Variants in UGT2B15 observed in about 807,000 individuals in gnomAD.
UGT2B15 encodes UDP-glucuronosyltransferase 2B15.
A neutral mutation model predicts 45.9 loss-of-function variants in UGT2B15; 36 were observed. The observed-to-expected ratio is 0.78, with a 90% CI of 0.60 to 1.04. The LOEUF is 1.04. Among genes scored for constraint, UGT2B15 ranks in the 50% least tolerant of loss-of-function variants. The pLI, the probability that UGT2B15 is intolerant of heterozygous loss-of-function variation, is 0.00. For missense variants in UGT2B15, 617 were observed against 622.4 expected (o/e 0.99, Z 0.09); for synonymous variants, 219 against 216.4 (o/e 1.01, Z -0.11).
At chr4:68,667,981 A>G in intron 2 of UGT2B15, 59 bp downstream of exon 2, 1 of 1,592,272 alleles carries the variant, frequency 6.3e-7, no homozygotes, top group South Asian at 1.1e-5. Flanking sequence ...TGAAAGAAAC[A>G]TATCCAGCCA....
chr4:68,668,721 C>G (rs1733213825), intron 1 of UGT2B15, among the ~76,000 whole-genome samples: 1 of 146,034 alleles, frequency 6.8e-6, no homozygotes. Flanking sequence ...GTGAGAAGAT[C>G]CAAGCTTGCT....
chr4:68,661,953 G>A lies in UGT2B15; in HGVS notation c.1005+1055C>T, dbSNP rs369711558. Among the ~76,000 whole-genome samples, 26 of 152,154 alleles carry A rather than the reference G, an allele frequency of 1.7e-4. 1 individual carries two copies. Among genetic ancestry groups the A allele is most frequent in the Admixed American group, 2.6e-4 (4 of 15,282 alleles). On this transcript the variant is annotated intron_variant, in intron 3 of 5. Coordinates refer to ENST00000338206, the MANE Select transcript of UGT2B15 (RefSeq NM_001076.4). ...CAGCCTTGATATATGGTCAGCTATA[G>A]CCAGTCATTACCATGTCTAGTACCA...
At chr4:68,667,877 C>T (rs1399522500) in intron 2 of UGT2B15, among the ~76,000 whole-genome samples, 163 bp downstream of exon 2, 1 of 152,156 alleles carries the variant, frequency 6.6e-6, no homozygotes, top group Non-Finnish European at 1.5e-5. Flanking sequence ...TAATAACATT[C>T]ACATACTTGT....
rs1274650225 is a variant in UGT2B15 at position 68,670,052 on chromosome 4, C to T, written c.567G>A (p.Leu189=). Residue 189 remains leucine, a synonymous_variant, in exon 1 of 6, where the codon CTG becomes CTA. Transcript: ENST00000338206. ...YTFEKNGGGF[L]FPPSYVPVVM... ...CAACAGGTACATAGGAAGGAGGGAA[C>T]AGAAATCCTCCACCATTCTTCTCAA... is the stretch of plus-strand genomic sequence containing the variant. The T allele has an allele frequency of 3.1e-6, 5 of 1,614,008 alleles. No individual in the cohort carries two copies. Among genetic ancestry groups the T allele is most frequent in the Non-Finnish European group, 4.2e-6 (5 of 1,179,976 alleles).
chr4:68,648,113 A>G (rs1732535896), intron 5 of UGT2B15, among the ~76,000 whole-genome samples: 1 of 152,092 alleles, frequency 6.6e-6, no homozygotes, highest in Admixed American at 6.6e-5. Context: ...TTTGTCTTCT[A>G]CCATATTTTC....
rs1224873008 is a variant in UGT2B15, at chr4:68,647,441, C to G, written c.1314-58G>C. 10 of 1,540,662 alleles carry G rather than the reference C, an allele frequency of 6.5e-6. No homozygotes were observed. In the African/African-American group the frequency reaches 1.2e-4, roughly 19 times the overall value. On this transcript the variant is annotated intron_variant, in intron 5 of 5. Coordinates refer to ENST00000338206, the MANE Select transcript of UGT2B15 (RefSeq NM_001076.4). ...AAGTAAATTTATTGCTTAAGCATAT[C>G]AAGTCTATGGATGGTCTTTGAAAAG... is the stretch of plus-strand genomic sequence containing the variant.
At chr4:68,659,840 A>C (rs910531183) in intron 3 of UGT2B15, among the ~76,000 whole-genome samples, 4 of 152,048 alleles carry the variant, frequency 2.6e-5, no homozygotes, top group Non-Finnish European at 2.9e-5. Flanking sequence ...AGTATCAAGC[A>C]GAACAGGAAT....
chr4:68,669,102 C>T (rs1439138801), intron 1 of UGT2B15, among the ~76,000 whole-genome samples: 1 of 151,788 alleles, frequency 6.6e-6, no homozygotes, highest in Non-Finnish European at 1.5e-5. Context: ...TTTACACCTA[C>T]TACTGTCTTG....
At chr4:68,656,391 ATTT>A (rs147929412) in intron 3 of UGT2B15, among the ~76,000 whole-genome samples, 4 of 128,022 alleles carry the variant, frequency 3.1e-5, no homozygotes, top group Admixed American at 8.0e-5. Flanking sequence ...CATTTCTGGG[ATTT>A]TTTTTTTTTT....
intron 3 of UGT2B15, among the ~76,000 whole-genome samples, chr4:68,661,858 G>A (rs1219046982): frequency 6.6e-6 from 1 of 152,080 alleles, no homozygotes; most frequent in Non-Finnish European, 1.5e-5. Flanking sequence ...TGAAAATGTA[G>A]AAAATTGTAT....
chr4:68,663,803 A>T (rs1733038046), intron 2 of UGT2B15, among the ~76,000 whole-genome samples: 1 of 147,100 alleles, frequency 6.8e-6, no homozygotes, highest in South Asian at 2.2e-4. Flanking sequence ...GCTGAAGTAT[A>T]AGAATCACTG....
At chr4:68,662,740 G>A (rs1228465519) in intron 3 of UGT2B15, among the ~76,000 whole-genome samples, 10 of 149,022 alleles carry the variant, frequency 6.7e-5, no homozygotes, top group Non-Finnish European at 1.3e-4. Flanking sequence ...TACATGCTAC[G>A]ATACCATGAT....
chr4:68,668,195 G>A lies in UGT2B15; in HGVS notation c.725-7C>T. On this transcript the variant is annotated splice_polypyrimidine_tract_variant and splice_region_variant and intron_variant, in intron 1 of 5. Coordinates refer to ENST00000338206, the MANE Select transcript of UGT2B15 (RefSeq NM_001076.4). The stretch of plus-strand genomic sequence containing the variant: ...AATAATGTAGTGGGTCTTCCTGATG[G>A]AAAAAAACAAAACAAAACAAAAGGT... The A allele has an allele frequency of 6.2e-7, 1 of 1,602,150 alleles. No homozygotes were observed. The highest frequency in any genetic ancestry group is 8.5e-7 in the Non-Finnish European group (1 of 1,175,002).
intron 5 of UGT2B15, 104 bp from the exon 6 acceptor site, chr4:68,647,487 G>T: frequency 7.7e-7 from 1 of 1,304,166 alleles, no homozygotes; most frequent in Non-Finnish European, 1.0e-6. Flanking sequence ...ATGATTGAAA[G>T]TAAGTGTCAC....
At position 68,647,006 on chromosome 4, in the gene UGT2B15, G is replaced by C; in HGVS notation, c.*98C>G. The C allele has an allele frequency of 6.7e-7, 1 of 1,498,318 alleles. No individual in the cohort carries two copies. The highest frequency in any genetic ancestry group is 8.9e-7 in the Non-Finnish European group (1 of 1,118,910). The allele number at this position is 1,498,318 out of a possible 1,614,324, so 92.8% of individuals were successfully genotyped here. On this transcript the variant is annotated 3_prime_UTR_variant, in exon 6 of 6. Coordinates refer to ENST00000338206, the MANE Select transcript of UGT2B15 (RefSeq NM_001076.4). ...AAGGTAAGTTGTGAAAAGATGTTTTGTCACAGGAAAAAGGAAATCCTCCAT... is the reference window on the plus strand; with the variant it reads ...AAGGTAAGTTGTGAAAAGATGTTTTCTCACAGGAAAAAGGAAATCCTCCAT...
At chr4:68,655,222 C>A in intron 3 of UGT2B15, 40 bp from the exon 4 acceptor site, 2 of 1,597,442 alleles carry the variant, frequency 1.3e-6, no homozygotes, top group Non-Finnish European at 8.6e-7. Context: ...ATGAATAGAA[C>A]TCTAAAAACA....
chr4:68,670,223 A>G lies in UGT2B15; in HGVS notation c.396T>C (p.Val132=). The G allele has an allele frequency of 6.2e-7, 1 of 1,613,990 alleles. No individual in the cohort carries two copies. The highest frequency in any genetic ancestry group is 8.5e-7 in the Non-Finnish European group (1 of 1,179,964). The change falls in exon 1 of 6, where the codon GTT becomes GTC. Residue 132 remains valine (V), a synonymous_variant. Coordinates refer to ENST00000338206, the MANE Select transcript of UGT2B15 (RefSeq NM_001076.4). ...GTTTCATCATAAGTTTCTTATTCAA[A>G]ACTGCATCTTTACAGAGCTTGTTAC... ...DYSNKLCKDA[V]LNKKLMMKLQ... is the part of the protein sequence containing the mutation.
chr4:68,647,484 AAAGT>A (rs1208136513), intron 5 of UGT2B15, 101 bp from the exon 6 acceptor site: 2 of 1,309,272 alleles, frequency 1.5e-6, no homozygotes, highest in South Asian at 1.8e-5. Flanking sequence ...CAAATGATTG[AAAGT>A]AAGTGTCACT....
At chr4:68,666,786 G>A (rs1351911044) in intron 2 of UGT2B15, among the ~76,000 whole-genome samples, 2 of 129,592 alleles carry the variant, frequency 1.5e-5, no homozygotes, top group African/African-American at 5.8e-5. Context: ...TCACTCTGTT[G>A]CCCAGGCTGG....
Sources: gnomAD v4.1 joint callset for allele counts (sites outside exome capture counted in the v4.1 genomes callset) on GRCh38, gnomAD v4.1.1 for gene constraint, MANE v1.5 for transcripts, NCBI Gene and HGNC (gene_info 2026-07-23, HGNC 2026-07-21) for gene names.